DAB1: variants seen among roughly 807,000 people sequenced by gnomAD.
DAB1 encodes DAB adaptor protein 1, also known as disabled homolog 1.
A neutral mutation model predicts 64.6 loss-of-function variants in DAB1; 15 were observed. The observed-to-expected ratio is 0.23, with a 90% CI of 0.16 to 0.36. DAB1 has a LOEUF of 0.36. DAB1 is among the 10% of genes least tolerant of loss of function. DAB1 has a pLI of 1.00. For synonymous variants in DAB1, 235 were observed against 251.9 expected, an observed-to-expected ratio of 0.93 and a Z score of 0.64; for missense variants, 596 against 706.7, an observed-to-expected ratio of 0.84 and a Z score of 1.78.
chr1:58,056,342 C>A lies in DAB1; in HGVS notation n.387+94169G>T, dbSNP rs779881003. On this transcript the variant is annotated intron_variant and non_coding_transcript_variant, in intron 5 of 20. Coordinates refer to the DAB1 transcript ENST00000485760. ...TCAGAAATGTCCCTGACTGCTGCGG[C>A]CTTCACTATGTTTCGAATGACGAAT... 7 of 1,581,616 alleles carry A rather than the reference C, an allele frequency of 4.4e-6. 1 individual carries two copies. Among genetic ancestry groups the A allele is most frequent in the South Asian group, 4.4e-5 (4 of 90,722 alleles).
chr1:57,298,526 C>A (rs1673382083), intron 1 of DAB1, among the ~76,000 whole-genome samples: 1 of 152,030 alleles, frequency 6.6e-6, no homozygotes, highest in South Asian at 2.1e-4. Flanking sequence ...AGCTCTCTTG[C>A]CATAACTGTA....
At chr1:58,156,682 G>A (rs1301894296) in intron 4 of DAB1, among the ~76,000 whole-genome samples, 4 of 152,126 alleles carry the variant, frequency 2.6e-5, no homozygotes, top group Non-Finnish European at 5.9e-5. Flanking sequence ...GGAAGAAGTA[G>A]GTGAAGGAGA....
chr1:57,029,806 A>G (rs1646910850), intron 9 of DAB1, among the ~76,000 whole-genome samples: 1 of 152,120 alleles, frequency 6.6e-6, no homozygotes, highest in Non-Finnish European at 1.5e-5. Flanking sequence ...CAATACCTGT[A>G]CCTCCATTGT....
intron 7 of DAB1, among the ~76,000 whole-genome samples, chr1:57,558,843 G>C (rs1399327612): frequency 1.3e-5 from 2 of 152,180 alleles, no homozygotes; most frequent in African/African-American, 4.8e-5. Flanking sequence ...TTGGGATGGT[G>C]GAGTGGATTA....
In DAB1 at chr1:57,934,924, G is replaced by T. The variant is rs371895810; in HGVS notation, n.388-50762C>A. 1.4e-3 allele frequency among the ~76,000 whole-genome samples: 208 copies of T among 152,312 alleles called. 8 individuals are homozygous for T. In the South Asian group the frequency reaches 0.041, roughly 30 times the overall value. ...TCTGCCAAAGAGACGAAACAAAATT[G>T]CTGTGACCTGGGAAGCAATGAGTCT... is the stretch of plus-strand genomic sequence containing the variant. On this transcript the variant is annotated intron_variant and non_coding_transcript_variant, in intron 5 of 20. Coordinates refer to the DAB1 transcript ENST00000485760.
intron 4 of DAB1, among the ~76,000 whole-genome samples, chr1:57,086,148 A>G (rs1284444683): frequency 6.6e-6 from 1 of 152,084 alleles, no homozygotes; most frequent in Non-Finnish European, 1.5e-5. Flanking sequence ...AGTGGTTGAA[A>G]TTGTCAGCTC....
At chr1:57,783,276 A>T (rs1650195375) in intron 6 of DAB1, among the ~76,000 whole-genome samples, 2 of 151,632 alleles carry the variant, frequency 1.3e-5, no homozygotes, top group Non-Finnish European at 2.9e-5. Context: ...CTCATGCCTA[A>T]TTTTTTATTA....
chr1:58,334,136 A>G (rs141576276), intron 4 of DAB1, among the ~76,000 whole-genome samples: 4 of 152,272 alleles, frequency 2.6e-5, no homozygotes, highest in African/African-American at 7.2e-5. Context: ...TATCTTGACC[A>G]ATGGAATATT....
At chr1:57,188,322 A>T (rs1458968652) in intron 2 of DAB1, among the ~76,000 whole-genome samples, 1 of 152,118 alleles carries the variant, frequency 6.6e-6, no homozygotes, top group Non-Finnish European at 1.5e-5. Context: ...TGGAATTGGA[A>T]ATTTTCATCT....
chr1:57,346,071 G>C (rs1678060658), intron 1 of DAB1, among the ~76,000 whole-genome samples: 1 of 152,200 alleles, frequency 6.6e-6, no homozygotes, highest in African/African-American at 2.4e-5. Flanking sequence ...AAACGGAAGA[G>C]GTTAGTGAGG....
Position 57,035,535 on chromosome 1 carries a change from A to C in DAB1, c.724-9492T>G, listed in dbSNP as rs151019463. On this transcript the variant is annotated intron_variant, in intron 9 of 14. Coordinates refer to ENST00000371236, the MANE Select transcript of DAB1 (RefSeq NM_001365792.1). ...AGGCGATTTCTTTGAATTCAGTTGA[A>C]GATTGATCTGAGCAGATGAACAAAT... Among the ~76,000 whole-genome samples, 4 of 152,230 alleles carry C rather than the reference A, an allele frequency of 2.6e-5. No homozygotes were observed. In the East Asian group the frequency reaches 7.7e-4, roughly 29 times the overall value.
At chr1:57,031,233 T>A (rs1646957488) in intron 9 of DAB1, among the ~76,000 whole-genome samples, 1 of 152,186 alleles carries the variant, frequency 6.6e-6, no homozygotes, top group South Asian at 2.1e-4. Flanking sequence ...AGGGGATTCT[T>A]GGGCCATAAA....
chr1:58,537,604 C>CAAA (rs977794543), intron 1 of DAB1, among the ~76,000 whole-genome samples: 7 of 152,120 alleles, frequency 4.6e-5, no homozygotes, highest in Non-Finnish European at 8.8e-5. Flanking sequence ...AATACTGGGA[C>CAAA]AAAAATTTTC....
chr1:57,554,566 G>T (rs1181873173), intron 7 of DAB1, among the ~76,000 whole-genome samples: 1 of 152,166 alleles, frequency 6.6e-6, no homozygotes, highest in East Asian at 1.9e-4. Flanking sequence ...ACCCAATCAT[G>T]TTGCCTTTGC....
chr1:57,470,633 C>T (rs1687104052), intron 7 of DAB1, among the ~76,000 whole-genome samples: 1 of 152,114 alleles, frequency 6.6e-6, no homozygotes, highest in South Asian at 2.1e-4. Context: ...TTCCCTATTC[C>T]CAGGTGGCCT....
At chr1:58,291,331 C>CTTCTCT (rs1378222072) in intron 4 of DAB1, among the ~76,000 whole-genome samples, 1 of 152,166 alleles carries the variant, frequency 6.6e-6, no homozygotes, top group African/African-American at 2.4e-5. Context: ...ACAGCCTTCT[C>CTTCTCT]TTCTCTTTCT....
intron 1 of DAB1, among the ~76,000 whole-genome samples, chr1:57,316,114 C>T (rs1331641490): frequency 6.6e-6 from 1 of 152,174 alleles, no homozygotes; most frequent in African/African-American, 2.4e-5. Flanking sequence ...GCTGTGTCTA[C>T]ATTATGAATC....
At chr1:57,815,669 T>TAA (rs542137983) in intron 6 of DAB1, among the ~76,000 whole-genome samples, 4 of 130,324 alleles carry the variant, frequency 3.1e-5, no homozygotes, top group South Asian at 4.8e-4. Flanking sequence ...TATTTTCAAC[T>TAA]AAAAAAAAAA....
At chr1:57,101,779 G>T (rs906697448) in intron 4 of DAB1, among the ~76,000 whole-genome samples, 2 of 152,202 alleles carry the variant, frequency 1.3e-5, no homozygotes, top group Admixed American at 1.3e-4. Flanking sequence ...CTTTCTATGT[G>T]CCAGGCATCT....
Sources: allele counts gnomAD v4.1 joint callset (sites outside exome capture counted in the v4.1 genomes callset), GRCh38; gene constraint gnomAD v4.1.1; transcripts MANE v1.5; gene names NCBI Gene and HGNC (gene_info 2026-07-23, HGNC 2026-07-21).